Variants in NRG1 observed in about 807,000 individuals in gnomAD.
The protein encoded by NRG1 is pro-neuregulin-1, membrane-bound isoform.
Under a neutral mutation model 63.8 loss-of-function variants are expected in NRG1, and 18 were observed. The ratio of observed to expected loss-of-function variants is 0.28; its 90% CI spans 0.19 to 0.42. NRG1 has a LOEUF of 0.42. Among genes scored for constraint, NRG1 ranks in the 10% least tolerant of loss-of-function variants. The pLI is 1.00. For missense variants in NRG1, 762 were observed against 814.7 expected, an observed-to-expected ratio of 0.94 and a Z score of 0.79; for synonymous variants, 302 against 301.3, an observed-to-expected ratio of 1.00 and a Z score of -0.02.
intron 1 of NRG1, among the ~76,000 whole-genome samples, chr8:32,467,096 A>T (rs1365852477): frequency 6.6e-6 from 1 of 151,958 alleles, no homozygotes; most frequent in Non-Finnish European, 1.5e-5. Context: ...AAAGACACAC[A>T]TTTTTTCAGA....
At chr8:32,019,145 C>G (rs925903158) in intron 1 of NRG1, among the ~76,000 whole-genome samples, 1 of 152,198 alleles carries the variant, frequency 6.6e-6, no homozygotes, top group South Asian at 2.1e-4. Flanking sequence ...ATAACCCAGG[C>G]TGGAGTGCAG....
At chr8:32,484,906 C>CACTT in intron 1 of NRG1, among the ~76,000 whole-genome samples, 1 of 152,258 alleles carries the variant, frequency 6.6e-6, no homozygotes, top group African/African-American at 2.4e-5. Context: ...TCTATCCTTC[C>CACTT]ACTTAAATAT....
chr8:32,347,306 C>T (rs192489539), intron 1 of NRG1, among the ~76,000 whole-genome samples: 16 of 152,252 alleles, frequency 1.1e-4, no homozygotes, highest in African/African-American at 3.9e-4. Flanking sequence ...TTTACCCCTG[C>T]TCTTCTCCTT....
chr8:32,721,092 C>G (rs561006236), intron 5 of NRG1, among the ~76,000 whole-genome samples: 1 of 152,176 alleles, frequency 6.6e-6, no homozygotes, highest in Non-Finnish European at 1.5e-5. Context: ...AGGAATCTTA[C>G]CCACTTAGGA....
chr8:31,721,779 G>C (rs4464923), intron 1 of NRG1, among the ~76,000 whole-genome samples: 21,875 of 151,824 alleles, frequency 0.14, 1,715 homozygotes, highest in Admixed American at 0.21. Flanking sequence ...CCTTTTCTTT[G>C]TTTGCTATGT....
intron 1 of NRG1, among the ~76,000 whole-genome samples, chr8:32,148,591 A>G (rs1344566215): frequency 6.6e-6 from 1 of 152,206 alleles, no homozygotes; most frequent in East Asian, 1.9e-4. Context: ...CAGTTAATTT[A>G]GAAAGATTTT....
At chr8:32,290,718 T>A (rs965704433) in intron 1 of NRG1, among the ~76,000 whole-genome samples, 1 of 152,220 alleles carries the variant, frequency 6.6e-6, no homozygotes, top group African/African-American at 2.4e-5. Context: ...CTCATAGTCA[T>A]ATCAATGGAT....
chr8:32,494,630 T>C (rs1393142759), intron 1 of NRG1, among the ~76,000 whole-genome samples: 2 of 152,160 alleles, frequency 1.3e-5, no homozygotes, highest in South Asian at 2.1e-4. Context: ...TGGCCATATA[T>C]AAAAGCTAAA....
At chr8:31,704,486 C>T (rs1166554490) in intron 1 of NRG1, among the ~76,000 whole-genome samples, 1 of 152,062 alleles carries the variant, frequency 6.6e-6, no homozygotes, top group Non-Finnish European at 1.5e-5. Context: ...TCCATTAAAT[C>T]CTGAAAGCTC....
intron 1 of NRG1, among the ~76,000 whole-genome samples, chr8:32,580,246 C>T (rs1840401924): frequency 6.6e-6 from 1 of 152,100 alleles, no homozygotes; most frequent in African/African-American, 2.4e-5. Context: ...TGTGAAGTCC[C>T]TTTTGCTGTG....
intron 1 of NRG1, among the ~76,000 whole-genome samples, chr8:31,879,830 T>C (rs4733101): frequency 0.31 from 47,498 of 152,056 alleles, 8,427 homozygotes; most frequent in East Asian, 0.74. Context: ...TGTTTCTGCA[T>C]TAGTTTGCTA....
At chr8:32,074,678 A>G (rs1826222726) in intron 1 of NRG1, among the ~76,000 whole-genome samples, 1 of 152,176 alleles carries the variant, frequency 6.6e-6, no homozygotes, top group Admixed American at 6.5e-5. Flanking sequence ...GAAATGAAAG[A>G]CAATTTAGGC....
intron 1 of NRG1, among the ~76,000 whole-genome samples, chr8:32,133,819 ATCT>A (rs1298157304): frequency 1.3e-5 from 2 of 152,190 alleles, no homozygotes; most frequent in Admixed American, 6.5e-5. Flanking sequence ...TAGACTAGAT[ATCT>A]TCAAATTAAA....
At chr8:32,193,412 G>T (rs529724538) in intron 1 of NRG1, among the ~76,000 whole-genome samples, 22 of 151,954 alleles carry the variant, frequency 1.4e-4, no homozygotes, top group Non-Finnish European at 2.9e-4. Flanking sequence ...CAGGCTTTTA[G>T]AAATGAAAAA....
intron 1 of NRG1, among the ~76,000 whole-genome samples, chr8:32,335,888 A>G (rs1394800976): frequency 1.3e-5 from 2 of 152,140 alleles, no homozygotes; most frequent in African/African-American, 4.8e-5. Context: ...CATCGGATCT[A>G]GAAAACTACA....
chr8:32,197,980 A>G (rs10103523), intron 1 of NRG1, among the ~76,000 whole-genome samples: 113,705 of 149,922 alleles, frequency 0.76, 42,837 homozygotes, highest in Admixed American at 0.84. Flanking sequence ...ATGCACGCGC[A>G]CACACACACA....
chr8:32,227,430 TTATTTTAAGAAAAAAAC>T (rs1846444491), intron 1 of NRG1, among the ~76,000 whole-genome samples: 1 of 152,178 alleles, frequency 6.6e-6, no homozygotes, highest in African/African-American at 2.4e-5. Context: ...TTTTCATGGA[TTATTTTAAGAAAAAAAC>T]TATTTTAAGA....
At chr8:32,541,507 G>GAA (rs35243395) in intron 1 of NRG1, among the ~76,000 whole-genome samples, 72,285 of 143,854 alleles carry the variant, frequency 0.5, 18,034 homozygotes, top group East Asian at 0.65. Context: ...GAACATACAG[G>GAA]AAAAAAAAAA....
intron 1 of NRG1, among the ~76,000 whole-genome samples, chr8:32,404,496 A>G (rs1813678329): frequency 6.6e-6 from 1 of 151,548 alleles, no homozygotes; most frequent in Non-Finnish European, 1.5e-5. Context: ...GCTGTTCAGC[A>G]TTCACACCTC....
Sources: gnomAD v4.1 joint callset for allele counts (sites outside exome capture counted in the v4.1 genomes callset) on GRCh38, gnomAD v4.1.1 for gene constraint, MANE v1.5 for transcripts, NCBI Gene and HGNC (gene_info 2026-07-23, HGNC 2026-07-21) for gene names.